Variants in KCNH6 observed in about 807,000 individuals in gnomAD.
The protein encoded by KCNH6 is voltage-gated inwardly rectifying potassium channel KCNH6.
In KCNH6, 81 loss-of-function variants were observed where a neutral mutation model predicts 83.4. The ratio of observed to expected loss-of-function variants is 0.97; its 90% CI spans 0.81 to 1.17. The LOEUF (loss-of-function observed/expected upper bound fraction) is 1.17. KCNH6 is among the 50% of genes most tolerant of loss of function. The pLI, the probability that KCNH6 is intolerant of heterozygous loss-of-function variation, is 0.00. For synonymous variants in KCNH6, 503 were observed against 545.6 expected, an observed-to-expected ratio of 0.92 and a Z score of 1.09; for missense variants, 1,203 against 1,290.5, an observed-to-expected ratio of 0.93 and a Z score of 1.04.
rs572244824 is a variant in KCNH6 at position 63,530,457 on chromosome 17, G to A, written c.590G>A (p.Arg197His). 1.5e-5 allele frequency: 25 copies of A among 1,614,178 alleles called. No homozygotes were observed. In the East Asian group the frequency reaches 1.6e-4, roughly 10 times the overall value. Reference sequence around the variant, plus strand: ...GTGGAGTTCAACTTGGAGAAGCACCGCTCCAGCTCCACCACGGAGATTGAG... The same window carrying A: ...GTGGAGTTCAACTTGGAGAAGCACCACTCCAGCTCCACCACGGAGATTGAG... ...NFVEFNLEKHRSSSTTEIEII... is the reference protein window; with the variant it reads ...NFVEFNLEKHHSSSTTEIEII... The change falls in exon 4 of 13, where the codon CGC becomes CAC. Residue 197 changes from arginine (R) to histidine (H), a missense_variant. Transcript: ENST00000314672.
intron 2 of KCNH6, among the ~76,000 whole-genome samples, chr17:63,528,473 C>G (rs879913804): frequency 6.6e-6 from 1 of 152,190 alleles, no homozygotes; most frequent in Non-Finnish European, 1.5e-5. Flanking sequence ...AGCTGCACCC[C>G]AGCTCTGATG....
chr17:63,543,909 G>T, intron 10 of KCNH6: 1 of 684,882 alleles, frequency 1.5e-6, no homozygotes, highest in South Asian at 1.9e-5. Context: ...GGTGTATGGA[G>T]ACTAGCCAGC....
Position 63,528,924 on chromosome 17 carries a change from T to G in KCNH6, c.308-1167T>G, listed in dbSNP as rs550473976. Among the ~76,000 whole-genome samples, 11 of 152,270 alleles carry G rather than the reference T, an allele frequency of 7.2e-5. No individual in the cohort carries two copies. The South Asian group carries it at 2.3e-3, about 31-fold the overall frequency. ...ATCTTGGTTCACTGCAACCTTGGCC[T>G]CCTGGGTTCAAGCGATTCTCCTGCC... On this transcript the variant is annotated intron_variant, in intron 2 of 12. Transcript: ENST00000314672.
intron 2 of KCNH6, among the ~76,000 whole-genome samples, chr17:63,529,839 A>C (rs1238385889): frequency 6.6e-6 from 1 of 152,130 alleles, no homozygotes; most frequent in Admixed American, 6.5e-5. Context: ...CCGAGCGTGG[A>C]CTTGGGCCTG....
rs1167655062 is a variant in KCNH6, at chr17:63,523,541, G to A, written c.76+52G>A. 2.2e-5 allele frequency: 34 copies of A among 1,527,084 alleles called. No homozygotes were observed. The highest frequency in any genetic ancestry group is 3.0e-5 in the Non-Finnish European group (34 of 1,118,436). 94.6% of individuals were successfully genotyped at this position (1,527,084 alleles called of 1,614,324 possible). Reference sequence around the variant, plus strand: ...GGACGATCTGGAGTCCTGGTTCCGTGAAAGGGGGGGCTGGACCCCTTTACT... The same window carrying A: ...GGACGATCTGGAGTCCTGGTTCCGTAAAAGGGGGGGCTGGACCCCTTTACT... On this transcript the variant is annotated intron_variant, in intron 1 of 12. Transcript: ENST00000314672. This position sits in a 1 kb window ranked among gnomAD's most constrained non-coding sequence, Gnocchi z 4.2.
In KCNH6 at chr17:63,538,055, C is replaced by T; in HGVS notation, c.1502-10C>T. On this transcript the variant is annotated splice_polypyrimidine_tract_variant and intron_variant, in intron 6 of 12. Coordinates refer to ENST00000314672, the MANE Select transcript of KCNH6 (RefSeq NM_001278919.2). This position sits in a 1 kb window ranked among gnomAD's most constrained non-coding sequence, Gnocchi z 4.0. ...GCCGCGGAGGAGCTCACTCTCCGCC[C>T]CGCCCCCAGCCCTGATGTACGCCAG... is the stretch of plus-strand genomic sequence containing the variant. 1.2e-6 allele frequency: 2 copies of T among 1,611,654 alleles called. No individual in the cohort carries two copies. The highest frequency in any genetic ancestry group is 1.1e-5 in the South Asian group (1 of 91,002).
intron 2 of KCNH6, among the ~76,000 whole-genome samples, chr17:63,526,390 CTT>C (rs11316766): frequency 0.017 from 2,319 of 134,594 alleles, 15 homozygotes; most frequent in Middle Eastern, 0.03. Flanking sequence ...TCATATAATC[CTT>C]TTTTTTTTTT....
chr17:63,536,952 C>CAA (rs60039258), intron 6 of KCNH6, among the ~76,000 whole-genome samples: 3,285 of 56,280 alleles, frequency 0.058, 634 homozygotes, highest in African/African-American at 0.23. Context: ...GACTCCGTCT[C>CAA]AAAAAAAAAA....
In KCNH6 at chr17:63,543,468, C is replaced by G. The variant is rs779989928; in HGVS notation, c.2149-108C>G. On this transcript the variant is annotated intron_variant, in intron 9 of 12. Coordinates refer to ENST00000314672, the MANE Select transcript of KCNH6 (RefSeq NM_001278919.2). ...ATCGCTGCTGTGCCCAGCTGCTTGT[C>G]ATTCTTTCACCTAGTTGTGACAGCA... is the stretch of plus-strand genomic sequence containing the variant. The G allele has an allele frequency of 4.6e-5, 34 of 736,778 alleles. 1 individual carries two copies. The highest frequency in any genetic ancestry group is 9.5e-5 in the South Asian group (6 of 63,214). The allele number at this position is 736,778 out of a possible 1,614,324, so 45.6% of individuals were successfully genotyped here. A position where few individuals can be genotyped will look rare whatever the true frequency, so the allele number is the denominator to read the frequency against.
rs192456898 is a variant in KCNH6, at chr17:63,524,032, C to A, written c.77-107C>A. ...CCTCATTCCGGTCACTGCCCTGCTCCTCTGCCTAAATTCCCCTTACTGCCA... is the reference window on the plus strand; with the variant it reads ...CCTCATTCCGGTCACTGCCCTGCTCATCTGCCTAAATTCCCCTTACTGCCA... On this transcript the variant is annotated intron_variant, in intron 1 of 12. Transcript: ENST00000314672. 122 of 794,904 alleles carry A rather than the reference C, an allele frequency of 1.5e-4. 1 individual carries two copies. The East Asian group carries it at 2.9e-3, about 19-fold the overall frequency. The allele number at this position is 794,904 out of a possible 1,614,324, so 49.2% of individuals were successfully genotyped here. A position where few individuals can be genotyped will look rare whatever the true frequency, so the allele number is the denominator to read the frequency against.
At position 63,546,012 on chromosome 17, in the gene KCNH6, G is replaced by T; in HGVS notation, c.*110G>T. ...CTCGCCTGTAATCCCAGCACTTTGG[G>T]AGGCCGAGGCGGGCGGATCAGACCA... On this transcript the variant is annotated 3_prime_UTR_variant, in exon 13 of 13. Transcript: ENST00000314672. 1 of 1,008,132 alleles carries T rather than the reference G, an allele frequency of 9.9e-7. No homozygotes were observed. Among genetic ancestry groups the T allele is most frequent in the Non-Finnish European group, 1.5e-6 (1 of 687,054 alleles). 62.4% of individuals were successfully genotyped at this position (1,008,132 alleles called of 1,614,324 possible).
chr17:63,547,770 TC>T (rs2033177237), downstream of KCNH6, among the ~76,000 whole-genome samples: 1 of 151,042 alleles, frequency 6.6e-6, no homozygotes, highest in Non-Finnish European at 1.5e-5. Context: ...GCAGCATAGC[TC>T]AACCTGGTCT....
chr17:63,537,810 T>G (rs762920941), intron 6 of KCNH6, among the ~76,000 whole-genome samples: 10 of 152,158 alleles, frequency 6.6e-5, no homozygotes, highest in Admixed American at 1.3e-4. Flanking sequence ...TCCATTGCCT[T>G]CCTTCTTTCT....
chr17:63,534,273 C>T lies in KCNH6; in HGVS notation c.1063C>T (p.Pro355Ser), dbSNP rs770880773. ...WFLIDMVAAI[P>S]FDLLIFRTGS... Reference sequence around the variant, plus strand: ...CCTCATTGACATGGTGGCCGCCATCCCTTTCGACCTCCTGATCTTCCGCAC... The same window carrying T: ...CCTCATTGACATGGTGGCCGCCATCTCTTTCGACCTCCTGATCTTCCGCAC... Residue 355 changes from proline to serine, a missense_variant, in exon 5 of 13, where the codon CCT becomes TCT. Coordinates refer to ENST00000314672, the MANE Select transcript of KCNH6 (RefSeq NM_001278919.2). The surrounding 1 kb of genome is among the most constrained non-coding windows in gnomAD (Gnocchi z 5.0). 63 of 1,614,040 alleles carry T rather than the reference C, an allele frequency of 3.9e-5. No individual in the cohort carries two copies. In the Admixed American group the frequency reaches 1.0e-3, roughly 26 times the overall value.
At chr17:63,536,827 A>G (rs954959274) in intron 6 of KCNH6, among the ~76,000 whole-genome samples, 25 of 139,528 alleles carry the variant, frequency 1.8e-4, no homozygotes, top group Middle Eastern at 4.6e-3. Flanking sequence ...GGTGGTACAC[A>G]CCTGTAATCC....
chr17:63,534,544 C>T lies in KCNH6; in HGVS notation c.1101+233C>T, dbSNP rs571162139. Among the ~76,000 whole-genome samples the T allele has an allele frequency of 2.6e-5, 4 of 152,088 alleles. No homozygotes were observed. Among genetic ancestry groups the T allele is most frequent in the African/African-American group, 9.6e-5 (4 of 41,470 alleles). On this transcript the variant is annotated intron_variant, in intron 5 of 12. Transcript: ENST00000314672. The surrounding 1 kb of genome is among the most constrained non-coding windows in gnomAD (Gnocchi z 5.0). ...CCCTCTGCCCCCTCTCTGAGCAGGC[C>T]CTGGTAAGAGGAGCAGGCTGCCCCT... is the stretch of plus-strand genomic sequence containing the variant.
At position 63,538,075 on chromosome 17, in the gene KCNH6, C is replaced by G. The variant is rs781089374; in HGVS notation, c.1512C>G (p.Tyr504Ter). The stretch of plus-strand genomic sequence containing the variant: ...CCGCCCCGCCCCCAGCCCTGATGTA[C>G]GCCAGCATCTTCGGGAACGTGTCCG... ...ICVMLIGSLM[Y>*]ASIFGNVSAI... The change falls in exon 7 of 13, where the codon TAC becomes TAG. Residue 504 changes from tyrosine (Y) to a stop codon, truncating the protein, a stop_gained. Transcript: ENST00000314672. LOFTEE classifies it high-confidence loss of function. The surrounding 1 kb of genome is among the most constrained non-coding windows in gnomAD (Gnocchi z 4.0). 11 of 1,613,470 alleles carry G rather than the reference C, an allele frequency of 6.8e-6. No homozygotes were observed. The highest frequency in any genetic ancestry group is 3.3e-5 in the Admixed American group (2 of 60,016).
chr17:63,534,315 A>G lies in KCNH6; in HGVS notation c.1101+4A>G, dbSNP rs1390803653. On this transcript the variant is annotated splice_donor_region_variant and intron_variant, in intron 5 of 12. Transcript: ENST00000314672. The surrounding 1 kb of genome is among the most constrained non-coding windows in gnomAD (Gnocchi z 5.0). ...CTTCCGCACTGGCTCCGATGAGGTG[A>G]GCAGACCCCCTCCAGGCCAGCAGCC... The G allele has an allele frequency of 6.2e-7, 1 of 1,605,106 alleles. No individual in the cohort carries two copies. The highest frequency in any genetic ancestry group is 8.5e-7 in the Non-Finnish European group (1 of 1,174,848).
Position 63,546,022 on chromosome 17 carries a change from C to T in KCNH6, c.*120C>T, listed in dbSNP as rs922642202. ...ATCCCAGCACTTTGGGAGGCCGAGG[C>T]GGGCGGATCAGACCATCCTGGCTAA... On this transcript the variant is annotated 3_prime_UTR_variant, in exon 13 of 13. Transcript: ENST00000314672. The T allele has an allele frequency of 1.0e-5, 9 of 884,368 alleles. No individual in the cohort carries two copies. Among genetic ancestry groups the T allele is most frequent in the East Asian group, 7.8e-5 (3 of 38,496 alleles). The allele number at this position is 884,368 out of a possible 1,614,324, so 54.8% of individuals were successfully genotyped here.
Sources: allele counts gnomAD v4.1 joint callset (sites outside exome capture counted in the v4.1 genomes callset), GRCh38; gene constraint gnomAD v4.1.1; non-coding constraint Gnocchi (gnomAD v3.1); transcripts MANE v1.5; gene names NCBI Gene and HGNC (gene_info 2026-07-23, HGNC 2026-07-21).